Variants in SPAG9 observed in about 807,000 individuals in gnomAD.
SPAG9 encodes C-Jun-amino-terminal kinase-interacting protein 4.
SPAG9 carries 35 observed loss-of-function variants against 166.5 expected under a neutral mutation model. The ratio of observed to expected loss-of-function variants is 0.21; its 90% CI spans 0.16 to 0.28. The LOEUF is 0.28. Ranked by LOEUF, SPAG9 falls within the 10% of genes least tolerant of loss-of-function variation. The pLI is 1.00. For synonymous variants in SPAG9, 534 were observed against 565.5 expected, an observed-to-expected ratio of 0.94 and a Z score of 0.79; for missense variants, 1,235 against 1,603.3, an observed-to-expected ratio of 0.77 and a Z score of 3.92.
chr17:51,048,258 A>G (rs2047085555), intron 3 of SPAG9, among the ~76,000 whole-genome samples: 1 of 152,100 alleles, frequency 6.6e-6, no homozygotes, highest in African/African-American at 2.4e-5. Flanking sequence ...ATATAGTTTC[A>G]CTTTTAAAAA....
At chr17:51,041,730 G>A (rs760331548) in intron 4 of SPAG9, 79 bp from the exon 5 acceptor site, 3 of 1,318,836 alleles carry the variant, frequency 2.3e-6, no homozygotes, top group Non-Finnish European at 3.2e-6. Flanking sequence ...TAATAAGCCT[G>A]GACTGCCACT....
intron 29 of SPAG9, among the ~76,000 whole-genome samples, chr17:50,969,594 C>CA (rs1456655546): frequency 6.6e-6 from 1 of 152,056 alleles, no homozygotes; most frequent in African/African-American, 2.4e-5. Context: ...AAAGGCCTCC[C>CA]ATACTCCAGT....
intron 1 of SPAG9, among the ~76,000 whole-genome samples, chr17:51,100,079 AAC>A (rs1256916530): frequency 6.6e-6 from 1 of 151,964 alleles, no homozygotes; most frequent in African/African-American, 2.4e-5. Context: ...CAGCCTGAGC[AAC>A]AGAGTGAGAC....
In SPAG9 at chr17:51,021,210, T is replaced by C. The variant is rs1294981250; in HGVS notation, c.939A>G (p.Ile313Met). 1 of 1,614,078 alleles carries C rather than the reference T, an allele frequency of 6.2e-7. No homozygotes were observed. The highest frequency in any genetic ancestry group is 1.7e-5 in the Admixed American group (1 of 60,022). The change falls in exon 7 of 30, where the codon ATA (isoleucine) becomes ATG (methionine). Residue 313 changes from isoleucine (I) to methionine (M), a missense_variant. Ile to Met is a conservative substitution (Grantham distance 10, BLOSUM62 1). Coordinates refer to ENST00000262013, the MANE Select transcript of SPAG9 (RefSeq NM_001130528.3). ...CTACCTGTACTTCAATGTGTTTGCT[T>C]ATCTCTGATTTATTTGGCGCATCTG... ...KVTDAPNKSEISKHIEVQVAQ... is the reference protein window; with the variant it reads ...KVTDAPNKSEMSKHIEVQVAQ...
chr17:51,096,038 G>GATACATATATAGAGTGAT, intron 1 of SPAG9, among the ~76,000 whole-genome samples: 1 of 92,616 alleles, frequency 1.1e-5, no homozygotes, highest in Non-Finnish European at 2.0e-5. Flanking sequence ...TATATATAGT[G>GATACATATATAGAGTGAT]ATATATATAT....
intron 2 of SPAG9, among the ~76,000 whole-genome samples, chr17:51,078,973 C>T (rs1208231522): frequency 6.6e-6 from 1 of 152,148 alleles, no homozygotes; most frequent in African/African-American, 2.4e-5. Flanking sequence ...ATGATCCACA[C>T]ATACACACAC....
At chr17:51,000,341 A>G (rs989593775) in intron 13 of SPAG9, among the ~76,000 whole-genome samples, 6 of 152,320 alleles carry the variant, frequency 3.9e-5, no homozygotes, top group African/African-American at 1.4e-4. Flanking sequence ...GAACTAAATT[A>G]AAAACATTCT....
chr17:51,031,986 T>C (rs2046402178), intron 5 of SPAG9: 4 of 579,024 alleles, frequency 6.9e-6, no homozygotes, highest in Non-Finnish European at 1.3e-5. Flanking sequence ...TTAACCTTTT[T>C]TTTCTACTTA....
intron 2 of SPAG9, among the ~76,000 whole-genome samples, chr17:51,077,061 T>TATCTAGCTATCTAGCTATCTAG (rs2048023852): frequency 2.5e-4 from 27 of 109,706 alleles, no homozygotes; most frequent in African/African-American, 9.4e-4. Context: ...TAGCTAGCTA[T>TATCTAGCTATCTAGCTATCTAG]CTAGCTAGCT....
chr17:51,079,518 C>T lies in SPAG9; in HGVS notation c.424+66G>A, dbSNP rs531747531. On this transcript the variant is annotated intron_variant, in intron 2 of 29. Coordinates refer to ENST00000262013, the MANE Select transcript of SPAG9 (RefSeq NM_001130528.3). Reference sequence around the variant, plus strand: ...CCTCCCAAAGTGCTGGGATTACAGGCGTGAGCCACCACGTCTGGCCAAGCC... The same window carrying T: ...CCTCCCAAAGTGCTGGGATTACAGGTGTGAGCCACCACGTCTGGCCAAGCC... 15 of 1,526,630 alleles carry T rather than the reference C, an allele frequency of 9.8e-6. No homozygotes were observed. In the South Asian group the frequency reaches 1.2e-4, roughly 12 times the overall value. 94.6% of individuals were successfully genotyped at this position (1,526,630 alleles called of 1,614,324 possible).
chr17:50,995,465 A>T lies in SPAG9; in HGVS notation c.2037T>A (p.Asp679Glu). The change falls in exon 17 of 30, where the codon GAT (aspartate) becomes GAA (glutamate). Residue 679 changes from aspartate to glutamate, a missense_variant. By Grantham distance (45) the Asp-to-Glu change is conservative. This residue lies in a region of SPAG9 where 493 missense variants were observed against 559.4 expected (regional missense o/e 0.88). Transcript: ENST00000262013. ...TTACCTTCATTGATGTATCTTTTTC[A>T]TCCAGAGGTCTGAGATAGACAGGCA... ...LPVPVYLRPL[D>E]EKDTSMKLWC... is the part of the protein sequence containing the mutation. 6.2e-7 allele frequency: 1 copy of T among 1,608,972 alleles called. No homozygotes were observed. The highest frequency in any genetic ancestry group is 8.5e-7 in the Non-Finnish European group (1 of 1,175,646).
At chr17:51,077,065 G>GCTATCTAGCTAGCTATCTAT in intron 2 of SPAG9, among the ~76,000 whole-genome samples, 1 of 114,348 alleles carries the variant, frequency 8.7e-6, no homozygotes, top group Admixed American at 9.0e-5. Flanking sequence ...TAGCTATCTA[G>GCTATCTAGCTAGCTATCTAT]CTAGCTATCT....
intron 22 of SPAG9, among the ~76,000 whole-genome samples, chr17:50,986,133 G>A (rs1480203207): frequency 6.6e-6 from 1 of 152,212 alleles, no homozygotes; most frequent in Non-Finnish European, 1.5e-5. Context: ...GGCCCACATA[G>A]GGAGTGGCAA....
At chr17:51,115,468 A>T (rs1333826687) in intron 1 of SPAG9, among the ~76,000 whole-genome samples, 2 of 150,758 alleles carry the variant, frequency 1.3e-5, no homozygotes, top group African/African-American at 2.4e-5. Context: ...ACACAAAATC[A>T]CATAATCCAT....
chr17:51,002,534 G>T (rs1367730985), intron 12 of SPAG9, among the ~76,000 whole-genome samples: 5 of 152,120 alleles, frequency 3.3e-5, no homozygotes, highest in Non-Finnish European at 7.4e-5. Flanking sequence ...TGTAGTCGCG[G>T]CACTTTGGGA....
rs539195487 is a variant in SPAG9, at chr17:51,097,823, G to T, written c.304-18119C>A. On this transcript the variant is annotated intron_variant, in intron 1 of 29. Coordinates refer to ENST00000262013, the MANE Select transcript of SPAG9 (RefSeq NM_001130528.3). ...TTATTTGTTTGCTTTTTAAGATAGG[G>T]TCTCACTCTGTTGCCTGGGTTGGAG... is the stretch of plus-strand genomic sequence containing the variant. Among the ~76,000 whole-genome samples, 6 of 152,120 alleles carry T rather than the reference G, an allele frequency of 3.9e-5. No homozygotes were observed. In the South Asian group the frequency reaches 1.0e-3, roughly 26 times the overall value.
At chr17:50,971,928 C>T (rs765628384) in intron 28 of SPAG9, among the ~76,000 whole-genome samples, 34 of 152,092 alleles carry the variant, frequency 2.2e-4, no homozygotes, top group Non-Finnish European at 4.0e-4. Flanking sequence ...CCACAACGCC[C>T]GGCTAATTTT....
At chr17:50,994,111 G>A (rs909353157) in intron 18 of SPAG9, among the ~76,000 whole-genome samples, 176 bp from the exon 19 acceptor site, 1 of 152,162 alleles carries the variant, frequency 6.6e-6, no homozygotes, top group African/African-American at 2.4e-5. Context: ...AACTCAACTT[G>A]AATTGTATCT....
At chr17:51,058,988 A>T (rs2047432616) in intron 2 of SPAG9, among the ~76,000 whole-genome samples, 1 of 152,232 alleles carries the variant, frequency 6.6e-6, no homozygotes, top group South Asian at 2.1e-4. Context: ...AAGAAGCACA[A>T]TCTGAAAACA....
Sources: allele counts gnomAD v4.1 joint callset (sites outside exome capture counted in the v4.1 genomes callset), GRCh38; gene constraint gnomAD v4.1.1; regional missense constraint gnomAD v4.1.1; transcripts MANE v1.5; gene names NCBI Gene and HGNC (gene_info 2026-07-23, HGNC 2026-07-21).